CYP19A1: variants seen among roughly 807,000 people sequenced by gnomAD.
CYP19A1 encodes cytochrome P450 family 19 subfamily A member 1, also known as aromatase.
CYP19A1 carries 32 observed loss-of-function variants against 44.4 expected under a neutral mutation model. The observed-to-expected ratio is 0.72, with a 90% CI of 0.54 to 0.97. CYP19A1 has a LOEUF of 0.97. Ranked by LOEUF, CYP19A1 falls within the 50% of genes least tolerant of loss-of-function variation. The pLI, the probability that CYP19A1 is intolerant of heterozygous loss-of-function variation, is 0.00. For synonymous variants in CYP19A1, 212 were observed against 215.6 expected, an observed-to-expected ratio of 0.98 and a Z score of 0.14; for missense variants, 598 against 637.8, an observed-to-expected ratio of 0.94 and a Z score of 0.67.
intron 8 of CYP19A1, among the ~76,000 whole-genome samples, chr15:51,212,880 C>G (rs1442925504): frequency 6.6e-6 from 1 of 152,184 alleles, no homozygotes; most frequent in Non-Finnish European, 1.5e-5. Flanking sequence ...TGGCCAATTA[C>G]CTGTTTAGAG....
chr15:51,318,611 C>T (rs1037288380), intron 1 of CYP19A1: 1 of 152,260 alleles, frequency 6.6e-6, no homozygotes, highest in African/African-American at 2.4e-5. Flanking sequence ...CTCAATCTTC[C>T]TGGGACTCTT....
intron 1 of CYP19A1, among the ~76,000 whole-genome samples, chr15:51,305,733 G>C (rs145021308): frequency 3.3e-5 from 5 of 152,140 alleles, no homozygotes; most frequent in Admixed American, 6.5e-5. Flanking sequence ...GCTAATTTTT[G>C]TATTTTTAGT....
chr15:51,263,607 G>C (rs555178398), intron 1 of CYP19A1, among the ~76,000 whole-genome samples: 4 of 152,180 alleles, frequency 2.6e-5, no homozygotes, highest in Non-Finnish European at 5.9e-5. Flanking sequence ...AGAGGGTATA[G>C]CTGACAGAAC....
At chr15:51,318,215 A>G (rs564331454) in intron 1 of CYP19A1, among the ~76,000 whole-genome samples, 1 of 131,378 alleles carries the variant, frequency 7.6e-6, no homozygotes, top group South Asian at 2.2e-4. Context: ...CAGTCTAAAA[A>G]TGTAAAAAAA....
At chr15:51,320,799 C>A (rs1386758939) in intron 1 of CYP19A1, 1 of 152,180 alleles carries the variant, frequency 6.6e-6, no homozygotes, top group African/African-American at 2.4e-5. Context: ...AAAAGAGAAA[C>A]AGGTGAAATT....
At chr15:51,259,053 T>C (rs1380897066) in intron 1 of CYP19A1, among the ~76,000 whole-genome samples, 1 of 152,140 alleles carries the variant, frequency 6.6e-6, no homozygotes, top group Non-Finnish European at 1.5e-5. Context: ...TCTCTCCCAG[T>C]CCCAGAATGA....
rs1356666512 is a variant in CYP19A1, at chr15:51,223,593, T to TCTCTCTCACACACACACA, written c.452-1069_452-1068insTGTGTGTGTGTGAGAGAG. Among the ~76,000 whole-genome samples the TCTCTCTCACACACACACA allele has an allele frequency of 4.2e-3, 383 of 90,192 alleles. 4 individuals carry two copies. The highest frequency in any genetic ancestry group is 6.0e-3 in the Non-Finnish European group (273 of 45,478). The allele number at this position is 90,192 out of a possible 152,430, so 59.2% of individuals were successfully genotyped here. A position where few individuals can be genotyped will look rare whatever the true frequency, so the allele number is the denominator to read the frequency against. On this transcript the variant is annotated intron_variant, in intron 4 of 9. Coordinates refer to ENST00000396402, the MANE Select transcript of CYP19A1 (RefSeq NM_000103.4). ...CTTGCTCTCTCTCTCTCTCTCTCTC[T>TCTCTCTCACACACACACA]CACACACACACACACACACACACAC...
intron 1 of CYP19A1, among the ~76,000 whole-genome samples, chr15:51,328,698 G>T (rs140691368): frequency 1.3e-5 from 2 of 152,114 alleles, no homozygotes; most frequent in South Asian, 2.1e-4. Context: ...CTGGGTCATA[G>T]GGTGCCCAGA....
chr15:51,230,240 A>G (rs908170266), intron 3 of CYP19A1, among the ~76,000 whole-genome samples: 1 of 152,338 alleles, frequency 6.6e-6, no homozygotes, highest in African/African-American at 2.4e-5. Context: ...TCCTCCTGGC[A>G]GTCAAGACAG....
chr15:51,268,082 C>G (rs1174749951), intron 1 of CYP19A1, among the ~76,000 whole-genome samples: 2 of 152,158 alleles, frequency 1.3e-5, no homozygotes, highest in African/African-American at 4.8e-5. Context: ...TCCATCAGAC[C>G]CACCCTCCCC....
chr15:51,227,733 A>G, intron 4 of CYP19A1, 46 bp downstream of exon 4: 1 of 624,144 alleles, frequency 1.6e-6, no homozygotes, highest in Non-Finnish European at 2.8e-6. Context: ...CAAAAAAGGC[A>G]CATTCATAGA....
intron 1 of CYP19A1, among the ~76,000 whole-genome samples, chr15:51,265,164 G>T (rs2034871567): frequency 6.6e-6 from 1 of 152,180 alleles, no homozygotes; most frequent in Non-Finnish European, 1.5e-5. Context: ...GGCCTCCAAG[G>T]CTATGTGTGT....
chr15:51,326,837 T>C (rs1213639004), intron 1 of CYP19A1, among the ~76,000 whole-genome samples: 1 of 152,224 alleles, frequency 6.6e-6, no homozygotes, highest in Non-Finnish European at 1.5e-5. Context: ...CTTCGTGGTG[T>C]ATCTACTATA....
intron 1 of CYP19A1, among the ~76,000 whole-genome samples, chr15:51,305,836 C>T (rs2036206470): frequency 6.6e-6 from 1 of 152,154 alleles, no homozygotes. Flanking sequence ...GTTGGGGTTA[C>T]AAGCATGAGC....
intron 6 of CYP19A1, among the ~76,000 whole-genome samples, chr15:51,216,748 T>C (rs2031619955): frequency 6.6e-6 from 1 of 152,116 alleles, no homozygotes; most frequent in Non-Finnish European, 1.5e-5. Flanking sequence ...ATTTTGGCAG[T>C]GTGGTTGAAA....
At chr15:51,250,560 C>T (rs12911554) in intron 1 of CYP19A1, among the ~76,000 whole-genome samples, 80,013 of 152,030 alleles carry the variant, frequency 0.53, 21,259 homozygotes, top group East Asian at 0.68. Context: ...AGAAGTTTTT[C>T]TGAAACACAG....
chr15:51,218,764 C>T (rs775918888), intron 5 of CYP19A1, 109 bp from the exon 6 acceptor site: 2 of 1,524,466 alleles, frequency 1.3e-6, no homozygotes, highest in African/African-American at 2.8e-5. Flanking sequence ...TCCTAACAGT[C>T]TGGGGGTTCT....
At chr15:51,229,465 A>G (rs1302854795) in intron 3 of CYP19A1, among the ~76,000 whole-genome samples, 1 of 151,670 alleles carries the variant, frequency 6.6e-6, no homozygotes, top group Non-Finnish European at 1.5e-5. Context: ...ACCTATTTTC[A>G]AATAAAAACA....
intron 1 of CYP19A1, among the ~76,000 whole-genome samples, chr15:51,245,341 T>G (rs547528290): frequency 2.3e-4 from 35 of 152,296 alleles, no homozygotes; most frequent in Admixed American, 5.2e-4. Context: ...TTTTAGTTTA[T>G]TTTATTTTTA....
Sources: allele counts gnomAD v4.1 joint callset (sites outside exome capture counted in the v4.1 genomes callset), GRCh38; gene constraint gnomAD v4.1.1; transcripts MANE v1.5; gene names NCBI Gene and HGNC (gene_info 2026-07-23, HGNC 2026-07-21).